The following DAPP1 variants were observed in gnomAD, a reference collection of about 807,000 sequenced individuals.
The protein encoded by DAPP1 is dual adapter for phosphotyrosine and 3-phosphotyrosine and 3-phosphoinositide.
A neutral mutation model predicts 41.5 loss-of-function variants in DAPP1; 20 were observed. That is an observed-to-expected ratio of 0.48 (90% confidence interval 0.34 to 0.70). The LOEUF is 0.70. DAPP1 is among the 30% of genes least tolerant of loss of function. The pLI is 0.01. For synonymous variants in DAPP1, 113 were observed against 116.2 expected, an observed-to-expected ratio of 0.97 and a Z score of 0.18; for missense variants, 233 against 333.4, an observed-to-expected ratio of 0.70 and a Z score of 2.35.
chr4:99,826,963 G>A (rs1263053015), intron 1 of DAPP1, among the ~76,000 whole-genome samples: 1 of 152,136 alleles, frequency 6.6e-6, no homozygotes, highest in Non-Finnish European at 1.5e-5. Flanking sequence ...TTTCCATTCT[G>A]TTGGTACTGA....
At chr4:99,856,017 G>A (rs1560705158) in intron 4 of DAPP1, among the ~76,000 whole-genome samples, 1 of 152,092 alleles carries the variant, frequency 6.6e-6, no homozygotes, top group Non-Finnish European at 1.5e-5. Flanking sequence ...TGGGGAAATT[G>A]CTATTTATGT....
At chr4:99,864,759 T>A (rs1178028773) in intron 7 of DAPP1, 3 of 152,142 alleles carry the variant, frequency 2.0e-5, no homozygotes, top group African/African-American at 7.2e-5. Context: ...TTTGAGTGTC[T>A]ACTACACCTG....
intron 3 of DAPP1, among the ~76,000 whole-genome samples, chr4:99,846,671 C>T (rs1226365742): frequency 6.6e-6 from 1 of 152,186 alleles, no homozygotes; most frequent in Non-Finnish European, 1.5e-5. Context: ...GTGATGTCCT[C>T]TTCAAACTTT....
chr4:99,826,352 G>A (rs1363497478), intron 1 of DAPP1, among the ~76,000 whole-genome samples: 1 of 152,196 alleles, frequency 6.6e-6, no homozygotes, highest in Non-Finnish European at 1.5e-5. Context: ...GAATGCTTTT[G>A]TTGGCTGTTC....
chr4:99,848,676 A>C (rs1458530516), intron 3 of DAPP1, among the ~76,000 whole-genome samples: 1 of 152,174 alleles, frequency 6.6e-6, no homozygotes, highest in Non-Finnish European at 1.5e-5. Context: ...GTCTTGATTC[A>C]TCTCTGATCG....
At chr4:99,861,907 G>A (rs185222763) in intron 5 of DAPP1, among the ~76,000 whole-genome samples, 19 of 152,308 alleles carry the variant, frequency 1.2e-4, no homozygotes, top group Non-Finnish European at 2.5e-4. Context: ...GATGAAGATA[G>A]CAAGTTTACT....
In DAPP1 at chr4:99,835,686, C is replaced by A. The variant is rs554960188; in HGVS notation, c.165C>A (p.Asp55Glu). 4 of 1,613,732 alleles carry A rather than the reference C, an allele frequency of 2.5e-6. No homozygotes were observed. The highest frequency in any genetic ancestry group is 3.4e-6 in the Non-Finnish European group (4 of 1,179,842). The change falls in exon 2 of 9, where the codon GAC (aspartate) becomes GAA (glutamate). Residue 55 changes from aspartate (D) to glutamate (E), a missense_variant. Physicochemically the swap from Asp to Glu is conservative, Grantham distance 45. Coordinates refer to ENST00000512369, the MANE Select transcript of DAPP1 (RefSeq NM_014395.3). ...AEALLLSNGC[D>E]GSYLLRDSNE... ...CTCTTCTCCTCTCAAATGGATGTGA[C>A]GGCAGCTACCTTCTGAGGGACAGCA...
chr4:99,833,578 T>G (rs1342137063), intron 1 of DAPP1, among the ~76,000 whole-genome samples: 1 of 152,206 alleles, frequency 6.6e-6, no homozygotes, highest in Non-Finnish European at 1.5e-5. Flanking sequence ...AATGCCAGAA[T>G]AGGGCTATTC....
chr4:99,822,047 C>T (rs1396651466), intron 1 of DAPP1, among the ~76,000 whole-genome samples: 3 of 152,182 alleles, frequency 2.0e-5, no homozygotes, highest in Non-Finnish European at 2.9e-5. Context: ...GCTCTGTAAT[C>T]TTGGATTCTA....
At chr4:99,817,065 C>A in intron 1 of DAPP1, 51 bp downstream of exon 1, 2 of 1,353,782 alleles carry the variant, frequency 1.5e-6, no homozygotes, top group Non-Finnish European at 1.0e-6. Context: ...ACATTGACTC[C>A]GCACTCCCAC....
chr4:99,831,153 T>C (rs1487050297), intron 1 of DAPP1, among the ~76,000 whole-genome samples: 2 of 152,226 alleles, frequency 1.3e-5, no homozygotes, highest in Non-Finnish European at 2.9e-5. Context: ...TTGTTGATAT[T>C]TTATAGGGGA....
intron 3 of DAPP1, among the ~76,000 whole-genome samples, chr4:99,840,636 C>A (rs991909931): frequency 6.6e-6 from 1 of 152,032 alleles, no homozygotes; most frequent in Non-Finnish European, 1.5e-5. Flanking sequence ...AATGGGCTCA[C>A]CATTTTAAAA....
intron 1 of DAPP1, among the ~76,000 whole-genome samples, chr4:99,831,343 A>G (rs77304796): frequency 0.052 from 7,934 of 152,316 alleles, 364 homozygotes; most frequent in East Asian, 0.24. Flanking sequence ...TCAAGACTGT[A>G]TCATTTGTAG....
chr4:99,868,698 A>G lies in DAPP1; in HGVS notation c.*513A>G, dbSNP rs1478940808. The G allele has an allele frequency of 6.7e-6, 1 of 149,438 alleles. No homozygotes were observed. The highest frequency in any genetic ancestry group is 1.5e-5 in the Non-Finnish European group (1 of 67,044). The allele number at this position is 149,438 out of a possible 1,614,324, so 9.3% of individuals were successfully genotyped here. ...TTTTTTTTTTAATTTTTCCCCCTTT[A>G]TACAAAAAAAAAAGAACATTTCCAA... On this transcript the variant is annotated 3_prime_UTR_variant, in exon 9 of 9. Coordinates refer to ENST00000512369, the MANE Select transcript of DAPP1 (RefSeq NM_014395.3).
chr4:99,843,107 A>C (rs1405883354), intron 3 of DAPP1, among the ~76,000 whole-genome samples: 1 of 152,200 alleles, frequency 6.6e-6, no homozygotes, highest in Non-Finnish European at 1.5e-5. Flanking sequence ...CACTGCTCTC[A>C]GCCAGACCCC....
At chr4:99,861,538 G>C in intron 4 of DAPP1, 40 bp from the exon 5 acceptor site, 1 of 1,552,400 alleles carries the variant, frequency 6.4e-7, no homozygotes, top group Non-Finnish European at 8.7e-7. Flanking sequence ...ACGTCCTGTT[G>C]TGACAGTTCT....
downstream of DAPP1, among the ~76,000 whole-genome samples, chr4:99,870,795 A>C (rs1724612470): frequency 6.6e-6 from 1 of 152,210 alleles, no homozygotes; most frequent in Non-Finnish European, 1.5e-5. Context: ...GGCCCACAGG[A>C]GCAGTTTTCT....
chr4:99,872,039 C>T (rs1475812743), downstream of DAPP1, among the ~76,000 whole-genome samples: 1 of 150,680 alleles, frequency 6.6e-6, no homozygotes, highest in South Asian at 2.1e-4. Context: ...AGAGCAAGAA[C>T]AAAGAAAAAA....
At chr4:99,860,224 TG>T (rs1386263761) in intron 4 of DAPP1, among the ~76,000 whole-genome samples, 1 of 152,240 alleles carries the variant, frequency 6.6e-6, no homozygotes, top group African/African-American at 2.4e-5. Context: ...ATGCAGCCTT[TG>T]GCTTACCTAT....
Sources: gnomAD v4.1 joint callset for allele counts (sites outside exome capture counted in the v4.1 genomes callset) on GRCh38, gnomAD v4.1.1 for gene constraint, MANE v1.5 for transcripts, NCBI Gene and HGNC (gene_info 2026-07-23, HGNC 2026-07-21) for gene names.